Variants in BCAS3 observed in about 807,000 individuals in gnomAD.
The protein encoded by BCAS3 is BCAS3 microtubule associated cell migration factor, also known as BCAS4/BCAS3 fusion.
In BCAS3, 53 loss-of-function variants were observed where a neutral mutation model predicts 116.1. The ratio of observed to expected loss-of-function variants is 0.46; its 90% confidence interval spans 0.37 to 0.57. The LOEUF (loss-of-function observed/expected upper bound fraction) is 0.57, where lower values mean the gene tolerates loss of function less well. Ranked by LOEUF, BCAS3 falls within the 20% of genes least tolerant of loss-of-function variation. The probability of loss-of-function intolerance (pLI) is 0.00; values close to 1 mark genes in which losing one functional copy is unlikely to be tolerated. For missense variants in BCAS3, 917 were observed against 1,165.4 expected, an observed-to-expected ratio of 0.79 and a Z score of 3.10; for synonymous variants, 391 against 408.2, an observed-to-expected ratio of 0.96 and a Z score of 0.51.
In BCAS3 at chr17:61,281,899, C is replaced by T. The variant is rs1268516603; in HGVS notation, c.2426-86428C>T. ...TATGGTAAATTTTTACTTTCTTTTC[C>T]GCTACTTCCTTTTTACAAGACTGTT... On this transcript the variant is annotated intron_variant, in intron 22 of 23. Coordinates refer to ENST00000407086, the MANE Select transcript of BCAS3 (RefSeq NM_017679.5). The surrounding 1 kb of genome is among the most constrained non-coding windows in gnomAD (Gnocchi z 4.2). Among the ~76,000 whole-genome samples, 9 of 151,862 alleles carry T rather than the reference C, an allele frequency of 5.9e-5. 1 individual carries two copies. The South Asian group carries it at 1.0e-3, about 18-fold the overall frequency.
At chr17:61,046,096 A>AATAT (rs1212105077) in intron 19 of BCAS3, among the ~76,000 whole-genome samples, 3 of 49,358 alleles carry the variant, frequency 6.1e-5, no homozygotes, top group Non-Finnish European at 9.9e-5. Flanking sequence ...ATATATATAT[A>AATAT]ATATATATAT....
chr17:61,003,797 C>T (rs943027676), intron 15 of BCAS3: 2 of 151,772 alleles, frequency 1.3e-5, no homozygotes, highest in African/African-American at 4.8e-5. Context: ...CATTTTTATT[C>T]AGCTAATCAA....
Position 61,162,911 on chromosome 17 carries a change from C to CAT in BCAS3, c.2425+78354_2425+78355dup, listed in dbSNP as rs1486815255. 6.6e-6 allele frequency among the ~76,000 whole-genome samples: 1 copy of CAT among 152,140 alleles called. No individual in the cohort carries two copies. Among genetic ancestry groups the CAT allele is most frequent in the Non-Finnish European group, 1.5e-5 (1 of 68,024 alleles). On this transcript the variant is annotated intron_variant, in intron 22 of 23. Coordinates refer to ENST00000407086, the MANE Select transcript of BCAS3 (RefSeq NM_017679.5). This position sits in a 1 kb window ranked among gnomAD's most constrained non-coding sequence, Gnocchi z 5.6. ...AGCTTTTTACTTAATAAATTATATA[C>CAT]ATATATATCTTGCTTAAGTTTTATA...
intron 22 of BCAS3, among the ~76,000 whole-genome samples, chr17:61,197,947 T>C (rs961884447): frequency 6.6e-6 from 1 of 152,184 alleles, no homozygotes; most frequent in Non-Finnish European, 1.5e-5. Flanking sequence ...AGTAATAAGA[T>C]GAGTGTGTTA....
intron 3 of BCAS3, among the ~76,000 whole-genome samples, chr17:60,684,365 A>G (rs2033712394): frequency 6.6e-6 from 1 of 152,164 alleles, no homozygotes; most frequent in South Asian, 2.1e-4. Context: ...GAGAAAAGCA[A>G]TATACACTCT....
At chr17:61,057,492 C>G (rs532377201) in intron 19 of BCAS3, among the ~76,000 whole-genome samples, 1 of 152,302 alleles carries the variant, frequency 6.6e-6, no homozygotes, top group South Asian at 2.1e-4. Context: ...TTCTACGCCT[C>G]AGGTTTCTCA....
chr17:61,070,269 G>A (rs747001267), intron 19 of BCAS3: 1 of 1,463,434 alleles, frequency 6.8e-7, no homozygotes, highest in Admixed American at 1.7e-5. Context: ...CTGATGGAGA[G>A]AAGAAGGCAT....
chr17:61,203,423 T>TG lies in BCAS3; in HGVS notation c.2425+118861dup, dbSNP rs1282064505. Among the ~76,000 whole-genome samples, 2 of 152,190 alleles carry TG rather than the reference T, an allele frequency of 1.3e-5. No homozygotes were observed. The highest frequency in any genetic ancestry group is 2.4e-5 in the African/African-American group (1 of 41,446). The stretch of plus-strand genomic sequence containing the variant: ...TGCTCACCTCGGCCTCCCAAAGTGC[T>TG]GGTATCACAGGTGTGAGCCACCGCG... On this transcript the variant is annotated intron_variant, in intron 22 of 23. Transcript: ENST00000407086. The surrounding 1 kb of genome is among the most constrained non-coding windows in gnomAD (Gnocchi z 5.7).
At chr17:60,729,511 A>G (rs2040249741) in intron 5 of BCAS3, among the ~76,000 whole-genome samples, 1 of 152,138 alleles carries the variant, frequency 6.6e-6, no homozygotes, top group African/African-American at 2.4e-5. Flanking sequence ...CTCACTGCTT[A>G]CATTGATGTT....
chr17:61,059,523 C>T (rs568074909), intron 19 of BCAS3, among the ~76,000 whole-genome samples: 35 of 152,254 alleles, frequency 2.3e-4, no homozygotes, highest in Middle Eastern at 6.8e-3. Context: ...GGTGGTTGTA[C>T]TTAGTTGTGT....
chr17:61,231,860 A>T lies in BCAS3; in HGVS notation c.2426-136467A>T, dbSNP rs750271657. Among the ~76,000 whole-genome samples, 267 of 106,814 alleles carry T rather than the reference A, an allele frequency of 2.5e-3. 2 individuals carry two copies. Among genetic ancestry groups the T allele is most frequent in the Non-Finnish European group, 4.5e-3 (237 of 52,198 alleles). 70.1% of individuals were successfully genotyped at this position (106,814 alleles called of 152,430 possible). On this transcript the variant is annotated intron_variant, in intron 22 of 23. Transcript: ENST00000407086. Reference sequence around the variant, plus strand: ...ACCACTGCACTCAAGCCTGGAAGAGACCCTGTCTCAAAAAAAAAAAAAAAA... The same window carrying T: ...ACCACTGCACTCAAGCCTGGAAGAGTCCCTGTCTCAAAAAAAAAAAAAAAA...
At chr17:61,274,281 A>AT (rs780529516) in intron 22 of BCAS3, among the ~76,000 whole-genome samples, 7,945 of 96,110 alleles carry the variant, frequency 0.083, 276 homozygotes, top group Non-Finnish European at 0.099. Flanking sequence ...AAATCTTTGA[A>AT]TTTTTTTTTT....
At chr17:61,223,138 C>G (rs1184789322) in intron 22 of BCAS3, among the ~76,000 whole-genome samples, 2 of 145,430 alleles carry the variant, frequency 1.4e-5, no homozygotes, top group African/African-American at 5.1e-5. Flanking sequence ...CAATATGTGA[C>G]AGGATGCAGC....
At chr17:60,715,840 C>T (rs755285320) in intron 5 of BCAS3, among the ~76,000 whole-genome samples, 7 of 151,812 alleles carry the variant, frequency 4.6e-5, no homozygotes, top group Non-Finnish European at 8.8e-5. Flanking sequence ...TGATTGGTGC[C>T]ATGAACTATG....
Position 61,073,210 on chromosome 17 carries a change from C to A in BCAS3, c.2030-1710C>A, listed in dbSNP as rs1315451711. Among the ~76,000 whole-genome samples, 2 of 152,086 alleles carry A rather than the reference C, an allele frequency of 1.3e-5. No homozygotes were observed. Among genetic ancestry groups the A allele is most frequent in the Non-Finnish European group, 2.9e-5 (2 of 68,010 alleles). ...GAATGTAGGTGTATGCTTTTGTGAT[C>A]ATTTGTGTTTTGTACAAATGCCACC... On this transcript the variant is annotated intron_variant, in intron 19 of 23. Transcript: ENST00000407086. This position sits in a 1 kb window ranked among gnomAD's most constrained non-coding sequence, Gnocchi z 4.6.
chr17:61,115,330 C>T (rs2143767595), intron 22 of BCAS3, among the ~76,000 whole-genome samples: 1 of 152,248 alleles, frequency 6.6e-6, no homozygotes, highest in South Asian at 2.1e-4. Flanking sequence ...AAAATTTTTG[C>T]AACCTACTCA....
intron 22 of BCAS3, among the ~76,000 whole-genome samples, chr17:61,119,407 G>A (rs1320196914): frequency 1.3e-5 from 2 of 152,090 alleles, no homozygotes; most frequent in African/African-American, 4.8e-5. Flanking sequence ...GTAATGTATA[G>A]TATTTGTTGG....
chr17:60,918,933 T>C (rs2058925831), intron 12 of BCAS3, among the ~76,000 whole-genome samples: 1 of 152,126 alleles, frequency 6.6e-6, no homozygotes, highest in African/African-American at 2.4e-5. Flanking sequence ...GACCTCGTGA[T>C]CCACCCGCCT....
rs1306326761 is a variant in BCAS3 at position 61,361,183 on chromosome 17, G to GA, written c.2426-7139dup. 6.8e-6 allele frequency among the ~76,000 whole-genome samples: 1 copy of GA among 147,430 alleles called. No individual in the cohort carries two copies. The highest frequency in any genetic ancestry group is 1.5e-5 in the Non-Finnish European group (1 of 67,214). On this transcript the variant is annotated intron_variant, in intron 22 of 23. Transcript: ENST00000407086. The surrounding 1 kb of genome is among the most constrained non-coding windows in gnomAD (Gnocchi z 6.5). ...CTAGAGGGATGATTCTGCTGAGAGAGAAAAAGAATTAAAAAAAAAAAAAGA... is the reference window on the plus strand; with the variant it reads ...CTAGAGGGATGATTCTGCTGAGAGAGAAAAAAGAATTAAAAAAAAAAAAAGA...
Sources: allele counts gnomAD v4.1 joint callset (sites outside exome capture counted in the v4.1 genomes callset), GRCh38; gene constraint gnomAD v4.1.1; non-coding constraint Gnocchi (gnomAD v3.1); transcripts MANE v1.5; gene names NCBI Gene and HGNC (gene_info 2026-07-23, HGNC 2026-07-21).